The following LAMC2 variants were observed in gnomAD, a reference collection of about 807,000 sequenced individuals.
The protein encoded by LAMC2 is laminin subunit gamma 2.
A neutral mutation model predicts 140.2 loss-of-function variants in LAMC2; 97 were observed. The ratio of observed to expected loss-of-function variants is 0.69; its 90% CI spans 0.59 to 0.82. The LOEUF (loss-of-function observed/expected upper bound fraction) is 0.82. LAMC2 is among the 40% of genes least tolerant of loss of function. The pLI, the probability that LAMC2 is intolerant of heterozygous loss-of-function variation, is 0.00. For missense variants in LAMC2, 1,402 were observed against 1,476.1 expected (o/e 0.95, Z 0.82); for synonymous variants, 513 against 540.2 (o/e 0.95, Z 0.70).
chr1:183,192,289 T>A (rs945184720), intron 1 of LAMC2, among the ~76,000 whole-genome samples: 2 of 152,234 alleles, frequency 1.3e-5, no homozygotes, highest in African/African-American at 2.4e-5. Context: ...TGTGGGGATA[T>A]GTATCTCCGC....
chr1:183,246,859 A>T (rs142706433), downstream of LAMC2, among the ~76,000 whole-genome samples: 34 of 152,352 alleles, frequency 2.2e-4, no homozygotes, highest in African/African-American at 8.2e-4. Flanking sequence ...TCCCTTCTTC[A>T]TACTATTGGC....
intron 1 of LAMC2, among the ~76,000 whole-genome samples, chr1:183,194,664 C>G (rs1658456391): frequency 6.6e-6 from 1 of 152,044 alleles, no homozygotes; most frequent in Admixed American, 6.5e-5. Context: ...GGTTTCTTTC[C>G]TTTTGGTCCT....
chr1:183,224,572 G>T (rs78141613), intron 7 of LAMC2, among the ~76,000 whole-genome samples: 2 of 152,172 alleles, frequency 1.3e-5, no homozygotes, highest in Middle Eastern at 3.4e-3. Flanking sequence ...AGAGTGGTTA[G>T]GTGCCTAACC....
At chr1:183,208,192 A>C (rs1022868553) in intron 2 of LAMC2, 123 bp downstream of exon 2, 1 of 966,828 alleles carries the variant, frequency 1.0e-6, no homozygotes. Context: ...AAACAGGGAA[A>C]GCAAGCAGGC....
At chr1:183,255,893 AC>A in the LAMC2 span, among the ~76,000 whole-genome samples, 2 of 151,348 alleles carry the variant, frequency 1.3e-5, no homozygotes, top group Non-Finnish European at 2.9e-5. Context: ...CTAACTCCTA[AC>A]CTCAAGTGAT....
chr1:183,211,994 G>A (rs1659084126), intron 2 of LAMC2, among the ~76,000 whole-genome samples: 3 of 151,948 alleles, frequency 2.0e-5, no homozygotes, highest in South Asian at 4.2e-4. Context: ...GGGAATTGGG[G>A]CAGGTTGTTT....
intron 1 of LAMC2, among the ~76,000 whole-genome samples, chr1:183,203,425 C>A (rs1658782723): frequency 6.6e-6 from 1 of 152,138 alleles, no homozygotes; most frequent in Non-Finnish European, 1.5e-5. Flanking sequence ...TTTTATTAAG[C>A]CCAGTTGCAG....
chr1:183,235,004 A>C (rs1252247636), intron 15 of LAMC2, among the ~76,000 whole-genome samples: 1 of 152,184 alleles, frequency 6.6e-6, no homozygotes, highest in Non-Finnish European at 1.5e-5. Context: ...GTTAATCCCA[A>C]GTGGAATTCA....
chr1:183,240,411 AC>A lies in LAMC2; in HGVS notation c.3328+21del, dbSNP rs769655583. On this transcript the variant is annotated intron_variant, in intron 22 of 22. Transcript: ENST00000264144. ...TGATGGGTATGTGAACCCACAACCC[AC>A]AACCTTCCAGCTCCATGCTCCAGGG... The A allele has an allele frequency of 3.7e-6, 6 of 1,613,892 alleles. No individual in the cohort carries two copies. In the Admixed American group the frequency reaches 1.0e-4, roughly 27 times the overall value.
At chr1:183,232,480 T>C (rs1419094403) in intron 13 of LAMC2, 137 bp downstream of exon 13, 6 of 1,125,554 alleles carry the variant, frequency 5.3e-6, no homozygotes, top group African/African-American at 1.5e-5. Context: ...GTGGAAGGAC[T>C]GTCTGTGGCA....
At position 183,223,364 on chromosome 1, in the gene LAMC2, T is replaced by A. The variant is rs1423045415; in HGVS notation, c.953+40T>A. On this transcript the variant is annotated intron_variant, in intron 7 of 22. Transcript: ENST00000264144. ...CATAAGTAGGTCAATTAGAGCAAAC[T>A]ATGATTGAAGTTCAAGTTTGTTCTT... 3 of 1,572,366 alleles carry A rather than the reference T, an allele frequency of 1.9e-6. No individual in the cohort carries two copies. In the African/African-American group the frequency reaches 4.0e-5, roughly 21 times the overall value.
At chr1:183,252,882 C>A in the LAMC2 span, 1 of 620,272 alleles carries the variant, frequency 1.6e-6, no homozygotes, top group Non-Finnish European at 2.9e-6. Context: ...AGGAAAGGCC[C>A]TCTTGCCTCC....
rs10712142 is a variant in LAMC2, at chr1:183,242,839, CTTT to C, written c.3329-296_3329-294del. ...TCAGTCCCCTATGACCTTCAGTCCT[CTTT>C]TTTTTTTTTTTCATAGCATAAACTA... is the stretch of plus-strand genomic sequence containing the variant. On this transcript the variant is annotated intron_variant, in intron 22 of 22. Transcript: ENST00000264144. Among the ~76,000 whole-genome samples the C allele has an allele frequency of 7.5e-4, 109 of 144,540 alleles. 1 individual carries two copies. The South Asian group carries it at 0.022, about 29-fold the overall frequency. 94.8% of individuals were successfully genotyped at this position (144,540 alleles called of 152,430 possible).
rs2102230520 is a variant in LAMC2, at chr1:183,226,917, G to A, written c.1285+1G>A. 1 of 1,612,980 alleles carries A rather than the reference G, an allele frequency of 6.2e-7. No individual in the cohort carries two copies. Among genetic ancestry groups the A allele is most frequent in the Non-Finnish European group, 8.5e-7 (1 of 1,179,206 alleles). On this transcript the variant is annotated splice_donor_variant, in intron 9 of 22. Coordinates refer to ENST00000264144, the MANE Select transcript of LAMC2 (RefSeq NM_005562.3). LOFTEE classifies it high-confidence loss of function. ...GGAGGGGCCTGTGATCCAGACACAGGTGAGTGAAATGACACCTGGACCAGG... is the reference window on the plus strand; with the variant it reads ...GGAGGGGCCTGTGATCCAGACACAGATGAGTGAAATGACACCTGGACCAGG...
Position 183,222,118 on chromosome 1 carries a change from A to C in LAMC2, c.670A>C (p.Asn224His). Residue 224 changes from asparagine (N) to histidine (H), a missense_variant, in exon 6 of 23, where the codon AAT (asparagine) becomes CAT (histidine). Physicochemically the swap from Asn to His is moderately conservative, Grantham distance 68. Around this residue, in one of 3 missense-constraint regions of LAMC2, gnomAD observed 723 missense variants for 783.3 expected, o/e 0.92. Transcript: ENST00000264144. ...DVDGWKAVQR[N>H]GSPAKLQWSQ... ...TGATGGCTGGAAGGCTGTCCAACGA[A>C]ATGGGTCTCCTGCAAAGCTCCAATG... 1 of 1,614,156 alleles carries C rather than the reference A, an allele frequency of 6.2e-7. No homozygotes were observed. The highest frequency in any genetic ancestry group is 8.5e-7 in the Non-Finnish European group (1 of 1,180,008).
In LAMC2 at chr1:183,204,455, GAAAA is replaced by G. The variant is rs79056040; in HGVS notation, c.80-3414_80-3411del. On this transcript the variant is annotated intron_variant, in intron 1 of 22. Coordinates refer to ENST00000264144, the MANE Select transcript of LAMC2 (RefSeq NM_005562.3). ...TACAAAAACAAAAAACAAACAAACA[GAAAA>G]AAAAAAAAAAACCACTACAAAAATT... Among the ~76,000 whole-genome samples the G allele has an allele frequency of 3.1e-5, 4 of 129,466 alleles. No homozygotes were observed. The Admixed American group carries it at 3.1e-4, about 10-fold the overall frequency. The allele number at this position is 129,466 out of a possible 152,430, so 84.9% of individuals were successfully genotyped here.
Position 183,214,603 on chromosome 1 carries a change from G to C in LAMC2, c.269-850G>C, listed in dbSNP as rs76507524. Among the ~76,000 whole-genome samples, 676 of 152,270 alleles carry C rather than the reference G, an allele frequency of 4.4e-3. 2 individuals are homozygous for C. The highest frequency in any genetic ancestry group is 6.4e-3 in the Non-Finnish European group (438 of 68,026). On this transcript the variant is annotated intron_variant, in intron 2 of 22. Coordinates refer to ENST00000264144, the MANE Select transcript of LAMC2 (RefSeq NM_005562.3). Reference sequence around the variant, plus strand: ...AAGTTGGCATCTTATTCTGCTTAGAGTGGGGGCCACTGGAGGACCTAACTA... The same window carrying C: ...AAGTTGGCATCTTATTCTGCTTAGACTGGGGGCCACTGGAGGACCTAACTA...
intron 1 of LAMC2, among the ~76,000 whole-genome samples, chr1:183,205,200 G>A (rs1229912932): frequency 6.6e-6 from 1 of 152,206 alleles, no homozygotes; most frequent in Non-Finnish European, 1.5e-5. Flanking sequence ...CCAGGGCAGG[G>A]AGGGCATTGG....
At chr1:183,236,435 GC>G in intron 16 of LAMC2, 24 bp from the exon 17 acceptor site, 1 of 1,544,126 alleles carries the variant, frequency 6.5e-7, no homozygotes, top group Non-Finnish European at 8.9e-7. Flanking sequence ...TTTTATTACC[GC>G]CCCCTCCCCA....
Sources: allele counts gnomAD v4.1 joint callset (sites outside exome capture counted in the v4.1 genomes callset), GRCh38; gene constraint gnomAD v4.1.1; regional missense constraint gnomAD v4.1.1; transcripts MANE v1.5; gene names NCBI Gene and HGNC (gene_info 2026-07-23, HGNC 2026-07-21).